EMG1: variants seen among roughly 807,000 people sequenced by gnomAD.
The protein encoded by EMG1 is EMG1 N1-specific pseudouridine methyltransferase, also known as ribosomal RNA small subunit methyltransferase NEP1.
Under a neutral mutation model 26.9 loss-of-function variants are expected in EMG1, and 24 were observed. The ratio of observed to expected loss-of-function variants is 0.89; its 90% CI spans 0.65 to 1.26. EMG1 has a LOEUF of 1.26. EMG1 is among the 50% of genes most tolerant of loss of function. The pLI, the probability that EMG1 is intolerant of heterozygous loss-of-function variation, is 0.00. For missense variants in EMG1, 299 were observed against 307.6 expected (o/e 0.97, Z 0.21); for synonymous variants, 140 against 112.6 (o/e 1.24, Z -1.54).
intron 6 of EMG1, among the ~76,000 whole-genome samples, chr12:6,986,358 CATTTT>C (rs1946525953): frequency 1.3e-5 from 2 of 152,142 alleles, no homozygotes; most frequent in Admixed American, 1.3e-4. Context: ...CTCTTAATAA[CATTTT>C]CTTTTCTATA....
chr12:6,995,621 T>C (rs1946629843), intron 7 of EMG1, among the ~76,000 whole-genome samples: 1 of 152,102 alleles, frequency 6.6e-6, no homozygotes, highest in Non-Finnish European at 1.5e-5. Context: ...GATTTGCAGT[T>C]AAAACCCTTA....
downstream of EMG1, among the ~76,000 whole-genome samples, chr12:6,990,526 A>T (rs886189051): frequency 7.6e-5 from 11 of 144,504 alleles, no homozygotes; most frequent in Admixed American, 4.9e-4. Flanking sequence ...AAATTAAAAT[A>T]AAATAAATAA....
At position 6,976,861 on chromosome 12, in the gene EMG1, G is replaced by C. The variant is rs782242872; in HGVS notation, c.*1052G>C. 3 of 312,706 alleles carry C rather than the reference G, an allele frequency of 9.6e-6. No individual in the cohort carries two copies. The highest frequency in any genetic ancestry group is 6.3e-5 in the African/African-American group (3 of 47,480). The allele number at this position is 312,706 out of a possible 1,614,324, so 19.4% of individuals were successfully genotyped here. On this transcript the variant is annotated 3_prime_UTR_variant, in exon 6 of 6. Transcript: ENST00000599672. Reference sequence around the variant, plus strand: ...AGGAGTGCTGTGAAAAGGGAGACGAGTAGTTTCTGCACCAGTCCCGCACAG... The same window carrying C: ...AGGAGTGCTGTGAAAAGGGAGACGACTAGTTTCTGCACCAGTCCCGCACAG...
In EMG1 at chr12:6,977,070, T is replaced by G; in HGVS notation, c.*1261T>G. On this transcript the variant is annotated 3_prime_UTR_variant, in exon 6 of 6. Coordinates refer to ENST00000599672, the MANE Select transcript of EMG1 (RefSeq NM_006331.8). This position sits in a 1 kb window ranked among gnomAD's most constrained non-coding sequence, Gnocchi z 4.5. ...CCCCAGATTTCTAATACTATTGTTT[T>G]TTTCCAGTCTGTTGCTCTATTCTGT... The G allele has an allele frequency of 2.9e-6, 3 of 1,029,448 alleles. No homozygotes were observed. The highest frequency in any genetic ancestry group is 4.5e-6 in the Non-Finnish European group (3 of 660,626). The allele number at this position is 1,029,448 out of a possible 1,614,324, so 63.8% of individuals were successfully genotyped here.
In EMG1 at chr12:6,979,234, G is replaced by A; in HGVS notation, c.*3425G>A. ...AGGCAAGCTAGGAGCGGCTCCTAGA[G>A]AAGGCAACGGGTGCTAAATGTGCAC... On this transcript the variant is annotated 3_prime_UTR_variant, in exon 6 of 6. Coordinates refer to ENST00000599672, the MANE Select transcript of EMG1 (RefSeq NM_006331.8). 1 of 551,044 alleles carries A rather than the reference G, an allele frequency of 1.8e-6. No individual in the cohort carries two copies. The highest frequency in any genetic ancestry group is 3.2e-6 in the Non-Finnish European group (1 of 309,590). 34.1% of individuals were successfully genotyped at this position (551,044 alleles called of 1,614,324 possible). A position where few individuals can be genotyped will look rare whatever the true frequency, so the allele number is the denominator to read the frequency against.
In EMG1 at chr12:6,977,580, C is replaced by G; in HGVS notation, c.*1771C>G. 1 of 1,614,160 alleles carries G rather than the reference C, an allele frequency of 6.2e-7. No individual in the cohort carries two copies. The highest frequency in any genetic ancestry group is 8.5e-7 in the Non-Finnish European group (1 of 1,180,024). ...CTTGTCCCTTATATTCCCCTTCACC[C>G]CCACCCTGGAGGCCTACCTGTCTTT... On this transcript the variant is annotated 3_prime_UTR_variant, in exon 6 of 6. Coordinates refer to ENST00000599672, the MANE Select transcript of EMG1 (RefSeq NM_006331.8). The surrounding 1 kb of genome is among the most constrained non-coding windows in gnomAD (Gnocchi z 4.5).
chr12:6,991,293 C>T (rs1337568791), downstream of EMG1, among the ~76,000 whole-genome samples: 1 of 152,210 alleles, frequency 6.6e-6, no homozygotes, highest in East Asian at 1.9e-4. Context: ...TTTAGCGCTA[C>T]ATCAAAACTT....
Position 6,971,065 on chromosome 12 carries a change from G to T in EMG1, c.142G>T (p.Glu48Ter). 17 of 1,611,568 alleles carry T rather than the reference G, an allele frequency of 1.1e-5. No individual in the cohort carries two copies. The highest frequency in any genetic ancestry group is 1.4e-5 in the Non-Finnish European group (17 of 1,178,784). The stretch of plus-strand genomic sequence containing the variant: ...AGGCCGTAGGCTTATTGTGGTGCTG[G>T]AAGGGGCCAGTCTGGAGACAGTCAA... ...IGGRRLIVVL[E>*]GASLETVKVG... Residue 48 changes from glutamate (E) to a stop codon, truncating the protein, a stop_gained, in exon 1 of 6, where the codon GAA becomes TAA. Coordinates refer to ENST00000599672, the MANE Select transcript of EMG1 (RefSeq NM_006331.8). LOFTEE classifies it high-confidence loss of function.
chr12:6,994,428 G>A (rs1266373475), intron 7 of EMG1, among the ~76,000 whole-genome samples: 2 of 152,010 alleles, frequency 1.3e-5, no homozygotes, highest in African/African-American at 4.8e-5. Context: ...GGCTAGTCTC[G>A]AACTCCTGAC....
chr12:6,974,822 A>T, intron 3 of EMG1, 129 bp downstream of exon 3: 1 of 1,007,570 alleles, frequency 9.9e-7, no homozygotes, highest in Admixed American at 2.2e-5. Flanking sequence ...ATACCAGGAC[A>T]AGGACTGTTA....
At position 6,978,958 on chromosome 12, in the gene EMG1, T is replaced by C. The variant is rs1379125385; in HGVS notation, c.*3149T>C. On this transcript the variant is annotated 3_prime_UTR_variant, in exon 6 of 6. Coordinates refer to ENST00000599672, the MANE Select transcript of EMG1 (RefSeq NM_006331.8). ...CTACTGTTTGCCTTCGTTGGCAAAGTGTTTGGAATGAGCATTTGGAATGTT... is the reference window on the plus strand; with the variant it reads ...CTACTGTTTGCCTTCGTTGGCAAAGCGTTTGGAATGAGCATTTGGAATGTT... The C allele has an allele frequency of 9.1e-6, 4 of 440,548 alleles. No individual in the cohort carries two copies. Among genetic ancestry groups the C allele is most frequent in the African/African-American group, 6.0e-5 (3 of 49,974 alleles). 27.3% of individuals were successfully genotyped at this position (440,548 alleles called of 1,614,324 possible).
downstream of EMG1, among the ~76,000 whole-genome samples, chr12:6,988,898 A>G (rs1591550187): frequency 3.3e-5 from 5 of 152,236 alleles, 1 homozygote. Flanking sequence ...AGGCCGAGGC[A>G]GGCGGATCAC....
intron 7 of EMG1, among the ~76,000 whole-genome samples, chr12:6,995,428 C>T (rs1162329196): frequency 1.3e-5 from 2 of 151,248 alleles, no homozygotes; most frequent in Admixed American, 6.6e-5. Flanking sequence ...GAGCTGAGAT[C>T]GTCTCACTGT....
chr12:6,977,416 C>G lies in EMG1; in HGVS notation c.*1607C>G. 1 of 1,614,158 alleles carries G rather than the reference C, an allele frequency of 6.2e-7. No homozygotes were observed. Among genetic ancestry groups the G allele is most frequent in the Non-Finnish European group, 8.5e-7 (1 of 1,180,024 alleles). ...GAGGCAGAAGGCAGTCATGGAGTAACCCATGAAGAGCCAGTGGATGGTCTG... is the reference window on the plus strand; with the variant it reads ...GAGGCAGAAGGCAGTCATGGAGTAAGCCATGAAGAGCCAGTGGATGGTCTG... On this transcript the variant is annotated 3_prime_UTR_variant, in exon 6 of 6. Transcript: ENST00000599672. This position sits in a 1 kb window ranked among gnomAD's most constrained non-coding sequence, Gnocchi z 4.5.
downstream of EMG1, among the ~76,000 whole-genome samples, chr12:6,983,934 G>C (rs1190083666): frequency 1.3e-5 from 2 of 152,114 alleles, no homozygotes; most frequent in African/African-American, 2.4e-5. Flanking sequence ...CTTGAGCCGA[G>C]GAGTTCGACA....
rs1458546645 is a variant in EMG1, at chr12:6,974,704, T to G, written c.412+11T>G. On this transcript the variant is annotated intron_variant, in intron 3 of 5. Transcript: ENST00000599672. ...TTTGTGGCCTCATGGGTAAGAAGCC[T>G]TAGAACAAAGTTAGAATGAACTTGT... 1.2e-6 allele frequency: 2 copies of G among 1,613,628 alleles called. No homozygotes were observed. Among genetic ancestry groups the G allele is most frequent in the Non-Finnish European group, 1.7e-6 (2 of 1,179,768 alleles).
intron 1 of EMG1, among the ~76,000 whole-genome samples, chr12:6,972,140 C>T (rs782180328): frequency 2.0e-5 from 3 of 149,112 alleles, no homozygotes; most frequent in South Asian, 2.1e-4. Context: ...GATCTTGGCT[C>T]ACTGCAGCCT....
Position 6,974,562 on chromosome 12 carries a change from T to G in EMG1, c.281T>G (p.Met94Arg), listed in dbSNP as rs782169084. 19 of 1,613,628 alleles carry G rather than the reference T, an allele frequency of 1.2e-5. No individual in the cohort carries two copies. In the South Asian group the frequency reaches 1.9e-4, roughly 16 times the overall value. Residue 94 changes from methionine to arginine, a missense_variant, in exon 3 of 6, where the codon ATG becomes AGG. Coordinates refer to ENST00000599672, the MANE Select transcript of EMG1 (RefSeq NM_006331.8). The stretch of plus-strand genomic sequence containing the variant: ...TTCTGCTTTGCTCAGAGTTTGCTGA[T>G]GCTGATGGATAGTCCCCTGAACCGA... ...RPDITHQSLL[M>R]LMDSPLNRAG...
downstream of EMG1, among the ~76,000 whole-genome samples, chr12:6,991,809 C>T (rs1214032986): frequency 6.6e-6 from 1 of 152,134 alleles, no homozygotes; most frequent in Non-Finnish European, 1.5e-5. Context: ...GAATAATCGC[C>T]CAAATGCTTT....
Sources: allele counts gnomAD v4.1 joint callset (sites outside exome capture counted in the v4.1 genomes callset), GRCh38; gene constraint gnomAD v4.1.1; non-coding constraint Gnocchi (gnomAD v3.1); transcripts MANE v1.5; gene names NCBI Gene and HGNC (gene_info 2026-07-23, HGNC 2026-07-21).